The following CACNA1B variants were observed in gnomAD, a reference collection of about 807,000 sequenced individuals.
The protein encoded by CACNA1B is voltage-dependent N-type calcium channel subunit alpha-1B.
CACNA1B carries 70 observed loss-of-function variants against 247.2 expected under a neutral mutation model. The observed-to-expected ratio is 0.28, with a 90% CI of 0.23 to 0.35. CACNA1B has a LOEUF of 0.35. Ranked by LOEUF, CACNA1B falls within the 10% of genes least tolerant of loss-of-function variation. The pLI, the probability that CACNA1B is intolerant of heterozygous loss-of-function variation, is 1.00. For synonymous variants in CACNA1B, 1,231 were observed against 1,294.4 expected, an observed-to-expected ratio of 0.95 and a Z score of 1.05; for missense variants, 2,367 against 3,197.4, an observed-to-expected ratio of 0.74 and a Z score of 6.26.
chr9:138,117,631 C>G (rs991310247), intron 42 of CACNA1B, among the ~76,000 whole-genome samples: 1 of 152,198 alleles, frequency 6.6e-6, no homozygotes, highest in African/African-American at 2.4e-5. Context: ...CGGACCCAGG[C>G]CCCCCTCAGA....
rs2133533823 is a variant in CACNA1B, at chr9:138,072,087, A to G, written c.4675-1401A>G. ...AAGCAGATTACGGAGCTACAGGTACACTTGTGCTGCCCTCTGGGGTCACAC... is the reference window on the plus strand; with the variant it reads ...AAGCAGATTACGGAGCTACAGGTACGCTTGTGCTGCCCTCTGGGGTCACAC... On this transcript the variant is annotated intron_variant, in intron 32 of 46. Transcript: ENST00000371372. This position sits in a 1 kb window ranked among gnomAD's most constrained non-coding sequence, Gnocchi z 4.5. Among the ~76,000 whole-genome samples, 1 of 152,112 alleles carries G rather than the reference A, an allele frequency of 6.6e-6. No homozygotes were observed. Among genetic ancestry groups the G allele is most frequent in the East Asian group, 1.9e-4 (1 of 5,164 alleles).
Position 138,117,373 on chromosome 9 carries a change from G to A in CACNA1B, c.5778-573G>A, listed in dbSNP as rs573186152. ...TAGAGGAGGAAGCCCAAAGAGTCCCGGGCGAGGCCCCCTACCCCCCGTCCC... is the reference window on the plus strand; with the variant it reads ...TAGAGGAGGAAGCCCAAAGAGTCCCAGGCGAGGCCCCCTACCCCCCGTCCC... On this transcript the variant is annotated intron_variant, in intron 42 of 46. Coordinates refer to ENST00000371372, the MANE Select transcript of CACNA1B (RefSeq NM_000718.4). Among the ~76,000 whole-genome samples the A allele has an allele frequency of 2.9e-3, 436 of 152,194 alleles. 4 individuals are homozygous for A. The highest frequency in any genetic ancestry group is 9.4e-3 in the African/African-American group (390 of 41,550).
At chr9:137,947,814 C>A (rs1466072237) in intron 6 of CACNA1B, among the ~76,000 whole-genome samples, 1 of 151,742 alleles carries the variant, frequency 6.6e-6, no homozygotes, top group Admixed American at 6.6e-5. Context: ...AATTGTTTTC[C>A]CCATATAGGT....
intron 35 of CACNA1B, among the ~76,000 whole-genome samples, chr9:138,076,181 T>C (rs561181105): frequency 6.6e-6 from 1 of 152,330 alleles, no homozygotes; most frequent in African/African-American, 2.4e-5. Context: ...CGGCCTCTGC[T>C]GCCTCGTCTG....
Position 138,115,569 on chromosome 9 carries a change from G to C in CACNA1B, c.5667G>C (p.Leu1889=). The change falls in exon 42 of 47, where the codon CTG becomes CTC. Residue 1889 remains leucine (L), a synonymous_variant. Transcript: ENST00000371372. ...GGLSQMGPVS[L]FHPLKATLEQ... ...CTTTGCAGATGGGTCCTGTGTCCCT[G>C]TTCCACCCTCTGAAGGCCACCCTGG... 3.1e-6 allele frequency: 5 copies of C among 1,613,514 alleles called. No individual in the cohort carries two copies. The highest frequency in any genetic ancestry group is 1.1e-5 in the South Asian group (1 of 91,038).
In CACNA1B at chr9:138,121,391, G is replaced by A. The variant is rs1440803576; in HGVS notation, c.6490-78G>A. On this transcript the variant is annotated intron_variant, in intron 46 of 46. Coordinates refer to ENST00000371372, the MANE Select transcript of CACNA1B (RefSeq NM_000718.4). The surrounding 1 kb of genome is among the most constrained non-coding windows in gnomAD (Gnocchi z 6.8). ...CTCCCATCCCCCCAGGCACCTGTGT[G>A]TGATGTGCTCTGTCTGTTGGTTCGG... 3 of 1,156,082 alleles carry A rather than the reference G, an allele frequency of 2.6e-6. No individual in the cohort carries two copies. The South Asian group carries it at 4.9e-5, about 19-fold the overall frequency. The allele number at this position is 1,156,082 out of a possible 1,614,324, so 71.6% of individuals were successfully genotyped here.
At position 137,898,061 on chromosome 9, in the gene CACNA1B, C is replaced by T. The variant is rs141951140; in HGVS notation, c.531-15119C>T. On this transcript the variant is annotated intron_variant, in intron 3 of 46. Coordinates refer to ENST00000371372, the MANE Select transcript of CACNA1B (RefSeq NM_000718.4). Reference sequence around the variant, plus strand: ...TCACCTGAGAATGACCTGATTTCCCCTCCATTCCCCAAAGATATTTTGCTG... The same window carrying T: ...TCACCTGAGAATGACCTGATTTCCCTTCCATTCCCCAAAGATATTTTGCTG... 3.6e-3 allele frequency among the ~76,000 whole-genome samples: 555 copies of T among 152,276 alleles called. 5 individuals carry two copies. Among genetic ancestry groups the T allele is most frequent in the African/African-American group, 0.013 (532 of 41,556 alleles).
At chr9:138,070,917 C>T (rs56233735) in intron 32 of CACNA1B, among the ~76,000 whole-genome samples, 4,805 of 152,368 alleles carry the variant, frequency 0.032, 263 homozygotes, top group African/African-American at 0.11. Context: ...GCCTTGTCCT[C>T]TGGTGTGGTA....
In CACNA1B at chr9:137,917,248, G is replaced by T; in HGVS notation, c.783G>T (p.Glu261Asp). Residue 261 changes from glutamate to aspartate, a missense_variant, in exon 6 of 47, where the codon GAG (glutamate) becomes GAT (aspartate). Physicochemically the swap from Glu to Asp is conservative, Grantham distance 45. This residue lies in a region of CACNA1B where 130 missense variants were observed against 338.7 expected (regional missense o/e 0.38). Coordinates refer to ENST00000371372, the MANE Select transcript of CACNA1B (RefSeq NM_000718.4). The surrounding 1 kb of genome is among the most constrained non-coding windows in gnomAD (Gnocchi z 5.5). ...TCATTCTCCTTCTTGCAGATGCGGAGCCCGTGGGTGACTTCCCCTGTGGCA... is the reference window on the plus strand; with the variant it reads ...TCATTCTCCTTCTTGCAGATGCGGATCCCGTGGGTGACTTCCCCTGTGGCA... ...KACFPNSTDA[E>D]PVGDFPCGKE... The T allele has an allele frequency of 6.2e-7, 1 of 1,612,640 alleles. No individual in the cohort carries two copies. Among genetic ancestry groups the T allele is most frequent in the Non-Finnish European group, 8.5e-7 (1 of 1,179,176 alleles).
Position 138,086,139 on chromosome 9 carries a change from T to G in CACNA1B, c.5094+7881T>G, listed in dbSNP as rs1030964905. On this transcript the variant is annotated intron_variant, in intron 36 of 46. Transcript: ENST00000371372. ...AGAAGTAAGTCCTACCTATAAATGA[T>G]AACCTTAAATGTAAATGGATTAAAT... 1.3e-5 allele frequency among the ~76,000 whole-genome samples: 2 copies of G among 151,300 alleles called. 1 individual carries two copies. The highest frequency in any genetic ancestry group is 1.3e-4 in the Admixed American group (2 of 15,226).
intron 3 of CACNA1B, among the ~76,000 whole-genome samples, chr9:137,887,144 G>A (rs1957026932): frequency 6.6e-6 from 1 of 152,062 alleles, no homozygotes; most frequent in Admixed American, 6.5e-5. Flanking sequence ...GGTGTTCTAG[G>A]AAGGAAGAGC....
chr9:138,096,285 T>C (rs1352276928), intron 36 of CACNA1B, among the ~76,000 whole-genome samples, 199 bp from the exon 37 acceptor site: 1 of 151,952 alleles, frequency 6.6e-6, no homozygotes, highest in African/African-American at 2.4e-5. Flanking sequence ...GGCAAGACAC[T>C]AGCATGTGGA....
chr9:138,053,706 T>C (rs1959384982), intron 25 of CACNA1B, 140 bp from the exon 26 acceptor site: 1 of 556,402 alleles, frequency 1.8e-6, no homozygotes, highest in African/African-American at 2.0e-5. Context: ...CCCATTCCCT[T>C]ACGGCCATGC....
intron 15 of CACNA1B, among the ~76,000 whole-genome samples, chr9:138,004,861 A>G (rs143862746): frequency 1.3e-5 from 2 of 152,324 alleles, no homozygotes; most frequent in Non-Finnish European, 2.9e-5. Context: ...AGACATACAA[A>G]TGGCCAACAG....
rs1959210395 is a variant in CACNA1B at position 138,049,193 on chromosome 9, T to G, written c.3604-16T>G. 6.6e-7 allele frequency: 1 copy of G among 1,514,928 alleles called. No homozygotes were observed. Among genetic ancestry groups the G allele is most frequent in the South Asian group, 1.1e-5 (1 of 89,106 alleles). 93.8% of individuals were successfully genotyped at this position (1,514,928 alleles called of 1,614,324 possible). A position where few individuals can be genotyped will look rare whatever the true frequency, so the allele number is the denominator to read the frequency against. ...TCTGGACTATGACGTATCTAACGTG[T>G]GTTTCTCCCTCCTAGATGATCGACT... is the stretch of plus-strand genomic sequence containing the variant. On this transcript the variant is annotated splice_polypyrimidine_tract_variant and intron_variant, in intron 23 of 46. Coordinates refer to ENST00000371372, the MANE Select transcript of CACNA1B (RefSeq NM_000718.4).
chr9:137,937,208 A>C (rs1185517100), intron 6 of CACNA1B, among the ~76,000 whole-genome samples: 1 of 151,934 alleles, frequency 6.6e-6, no homozygotes, highest in Non-Finnish European at 1.5e-5. Flanking sequence ...TGAGGGGGTA[A>C]ATTTTCAATG....
chr9:138,028,157 G>T (rs1958945035), intron 20 of CACNA1B, among the ~76,000 whole-genome samples: 1 of 150,480 alleles, frequency 6.6e-6, no homozygotes, highest in Admixed American at 6.6e-5. Flanking sequence ...CGAGTAGCTG[G>T]GATTACAGGC....
At chr9:137,977,666 G>A (rs1374677186) in intron 12 of CACNA1B, among the ~76,000 whole-genome samples, 1 of 152,162 alleles carries the variant, frequency 6.6e-6, no homozygotes, top group Non-Finnish European at 1.5e-5. Context: ...CAGAGGCTGA[G>A]TTCTGAGTCT....
rs1958181334 is a variant in CACNA1B at position 137,973,501 on chromosome 9, G to T, written c.1543+1909G>T. Among the ~76,000 whole-genome samples, 2 of 152,212 alleles carry T rather than the reference G, an allele frequency of 1.3e-5. No individual in the cohort carries two copies. On this transcript the variant is annotated intron_variant, in intron 11 of 46. Transcript: ENST00000371372. This position sits in a 1 kb window ranked among gnomAD's most constrained non-coding sequence, Gnocchi z 4.1. ...ATTGAGGCTCGAGTGGTTAAGAGGGGCACTGTCAGGACTTGCCATCCTGTG... is the reference window on the plus strand; with the variant it reads ...ATTGAGGCTCGAGTGGTTAAGAGGGTCACTGTCAGGACTTGCCATCCTGTG...
Sources: gnomAD v4.1 joint callset for allele counts (sites outside exome capture counted in the v4.1 genomes callset) on GRCh38, gnomAD v4.1.1 for gene constraint, gnomAD v4.1.1 regional missense constraint, Gnocchi (gnomAD v3.1) non-coding constraint, MANE v1.5 for transcripts, NCBI Gene and HGNC (gene_info 2026-07-23, HGNC 2026-07-21) for gene names.